Variants in ZBTB49 observed in about 807,000 individuals in gnomAD.
ZBTB49 encodes the protein zinc finger and BTB domain-containing protein 49.
ZBTB49 carries 43 observed loss-of-function variants against 57.5 expected under a neutral mutation model. The observed-to-expected ratio is 0.75, with a 90% CI of 0.59 to 0.97. ZBTB49 has a LOEUF of 0.97. Ranked by LOEUF, ZBTB49 falls within the 50% of genes least tolerant of loss-of-function variation. The pLI, the probability that ZBTB49 is intolerant of heterozygous loss-of-function variation, is 0.00. For synonymous variants in ZBTB49, 369 were observed against 362.1 expected (o/e 1.02, Z -0.22); for missense variants, 938 against 947.7 (o/e 0.99, Z 0.13).
intron 7 of ZBTB49, among the ~76,000 whole-genome samples, chr4:4,316,613 G>A (rs768510954): frequency 1.4e-4 from 22 of 152,326 alleles, no homozygotes; most frequent in Middle Eastern, 3.4e-3. Context: ...AAAACTATGA[G>A]TGACAGCAAC....
At chr4:4,309,296 G>A (rs1720874330) in intron 4 of ZBTB49, among the ~76,000 whole-genome samples, 1 of 152,206 alleles carries the variant, frequency 6.6e-6, no homozygotes, top group African/African-American at 2.4e-5. Flanking sequence ...GACACTGTAT[G>A]TGTCCAGATC....
chr4:4,292,495 T>G (rs1719993849), intron 1 of ZBTB49, among the ~76,000 whole-genome samples: 1 of 152,210 alleles, frequency 6.6e-6, no homozygotes, highest in Admixed American at 6.5e-5. Context: ...GTTCCGTTTG[T>G]CAGCATTCCA....
At chr4:4,314,936 C>T (rs1428480279) in intron 5 of ZBTB49, among the ~76,000 whole-genome samples, 1 of 152,240 alleles carries the variant, frequency 6.6e-6, no homozygotes, top group African/African-American at 2.4e-5. Context: ...CACCTGCACA[C>T]AGCATCTGCT....
chr4:4,320,512 C>T (rs1006540274), intron 7 of ZBTB49, 128 bp from the exon 8 acceptor site: 143 of 1,123,558 alleles, frequency 1.3e-4, no homozygotes, highest in Non-Finnish European at 1.8e-4. Flanking sequence ...TGGTGTCATG[C>T]GCCTGTCGTC....
chr4:4,313,235 C>T (rs1173651393), intron 5 of ZBTB49, 121 bp downstream of exon 5: 1 of 974,782 alleles, frequency 1.0e-6, no homozygotes, highest in East Asian at 2.6e-5. Context: ...CACCCTGCCA[C>T]TGCAGAACAC....
intron 3 of ZBTB49, 120 bp downstream of exon 3, chr4:4,303,211 A>G (rs1720582489): frequency 1.6e-6 from 2 of 1,246,934 alleles, no homozygotes; most frequent in East Asian, 5.0e-5. Flanking sequence ...GATGATTTTA[A>G]ACAAAATAAG....
chr4:4,298,611 CATAGAGA>C (rs1233163932), intron 1 of ZBTB49, among the ~76,000 whole-genome samples: 2 of 152,000 alleles, frequency 1.3e-5, no homozygotes, highest in African/African-American at 4.8e-5. Flanking sequence ...TTTTATTTTT[CATAGAGA>C]CAGGGTCTCA....
Position 4,321,476 on chromosome 4 carries a change from T to G in ZBTB49, c.*160T>G. The G allele has an allele frequency of 1.2e-6, 1 of 829,420 alleles. No homozygotes were observed. Among genetic ancestry groups the G allele is most frequent in the African/African-American group, 1.7e-5 (1 of 57,750 alleles). The allele number at this position is 829,420 out of a possible 1,614,324, so 51.4% of individuals were successfully genotyped here. A position where few individuals can be genotyped will look rare whatever the true frequency, so the allele number is the denominator to read the frequency against. On this transcript the variant is annotated 3_prime_UTR_variant, in exon 8 of 8. Coordinates refer to ENST00000337872, the MANE Select transcript of ZBTB49 (RefSeq NM_145291.4). ...GCTCATAATCTGAAGCATCTTGAGC[T>G]GGGGGTGTGAGGGGGAGGGCCTGCT...
chr4:4,294,069 T>C (rs1204578611), intron 1 of ZBTB49, among the ~76,000 whole-genome samples: 1 of 152,188 alleles, frequency 6.6e-6, no homozygotes, highest in Non-Finnish European at 1.5e-5. Flanking sequence ...GGTAAATGAG[T>C]TAATAAGTGT....
rs1263693014 is a variant in ZBTB49, at chr4:4,314,651, C to T, written c.1377-985C>T. ...CCTCCCAAAGTGCTAAGATTACAGA[C>T]GTGAGCCACCGTGCCCAGCCAAGGC... is the stretch of plus-strand genomic sequence containing the variant. On this transcript the variant is annotated intron_variant, in intron 5 of 7. Coordinates refer to ENST00000337872, the MANE Select transcript of ZBTB49 (RefSeq NM_145291.4). 1.1e-4 allele frequency among the ~76,000 whole-genome samples: 16 copies of T among 152,232 alleles called. No homozygotes were observed. The South Asian group carries it at 2.3e-3, about 22-fold the overall frequency.
intron 4 of ZBTB49, among the ~76,000 whole-genome samples, chr4:4,307,575 TAGTA>T (rs942543560): frequency 2.6e-5 from 4 of 152,232 alleles, no homozygotes; most frequent in Admixed American, 6.5e-5. Context: ...GCCTGGCACA[TAGTA>T]AGCGCTCAAG....
intron 5 of ZBTB49, 117 bp from the exon 6 acceptor site, chr4:4,315,519 A>G (rs1236900368): frequency 2.4e-5 from 23 of 972,272 alleles, no homozygotes; most frequent in Admixed American, 7.9e-5. Flanking sequence ...AGTCCAGTTC[A>G]CGTTCCTTTC....
At chr4:4,316,129 G>A (rs1212201618) in intron 7 of ZBTB49, among the ~76,000 whole-genome samples, 159 bp downstream of exon 7, 1 of 152,092 alleles carries the variant, frequency 6.6e-6, no homozygotes. Context: ...GCATTTGTGT[G>A]TCAGGCATTT....
intron 1 of ZBTB49, among the ~76,000 whole-genome samples, chr4:4,296,820 T>C (rs57582580): frequency 0.069 from 10,430 of 152,084 alleles, 911 homozygotes; most frequent in East Asian, 0.32. Context: ...GCAATGTCAG[T>C]GTGTTTGTGT....
intron 1 of ZBTB49, among the ~76,000 whole-genome samples, chr4:4,292,496 C>T (rs868472061): frequency 2.6e-5 from 4 of 152,158 alleles, no homozygotes; most frequent in Non-Finnish European, 5.9e-5. Context: ...TTCCGTTTGT[C>T]AGCATTCCAT....
chr4:4,297,773 CAAAAAAAA>C (rs554296344), intron 1 of ZBTB49, among the ~76,000 whole-genome samples: 2 of 115,722 alleles, frequency 1.7e-5, no homozygotes, highest in African/African-American at 3.5e-5. Flanking sequence ...GATCCTGTTT[CAAAAAAAA>C]AAAAAAAAAA....
chr4:4,313,109 A>G lies in ZBTB49; in HGVS notation c.1371A>G (p.Gly457=), dbSNP rs770911790. 25 of 1,613,974 alleles carry G rather than the reference A, an allele frequency of 1.5e-5. No homozygotes were observed. The highest frequency in any genetic ancestry group is 1.9e-5 in the Non-Finnish European group (22 of 1,180,028). Residue 457 remains glycine, a synonymous_variant, in exon 5 of 8, where the codon GGA becomes GGG. Coordinates refer to ENST00000337872, the MANE Select transcript of ZBTB49 (RefSeq NM_145291.4). ...AACCATACATCTGCGAGATCTGTGG[A>G]AAGAGGTCAGTGCTGGGCGTGTTCT... The part of the protein sequence containing the change: ...GEKPYICEIC[G]KRFAASGDVQ...
At chr4:4,307,095 A>T (rs1030569852) in intron 4 of ZBTB49, among the ~76,000 whole-genome samples, 3 of 152,202 alleles carry the variant, frequency 2.0e-5, no homozygotes, top group African/African-American at 7.2e-5. Context: ...CAAACCTGCC[A>T]TCTTAATGAC....
At chr4:4,306,249 A>G in intron 4 of ZBTB49, 65 bp downstream of exon 4, 1 of 1,387,060 alleles carries the variant, frequency 7.2e-7, no homozygotes. Context: ...TTTATTGGAA[A>G]TAAGACATAC....
Sources: allele counts gnomAD v4.1 joint callset (sites outside exome capture counted in the v4.1 genomes callset), GRCh38; gene constraint gnomAD v4.1.1; transcripts MANE v1.5; gene names NCBI Gene and HGNC (gene_info 2026-07-23, HGNC 2026-07-21).